Variants in SNUPN observed in about 807,000 individuals in gnomAD.
SNUPN encodes the protein snurportin 1.
Under a neutral mutation model 39.2 loss-of-function variants are expected in SNUPN, and 31 were observed. The ratio of observed to expected loss-of-function variants is 0.79; its 90% CI spans 0.59 to 1.07. The LOEUF is 1.07. Among genes scored for constraint, SNUPN ranks in the 50% least tolerant of loss-of-function variants. The pLI is 0.00. For synonymous variants in SNUPN, 132 were observed against 159.0 expected (o/e 0.83, Z 1.28); for missense variants, 382 against 434.2 (o/e 0.88, Z 1.07).
chr15:75,620,172 G>A (rs1364070127), intron 2 of SNUPN, among the ~76,000 whole-genome samples: 1 of 152,100 alleles, frequency 6.6e-6, no homozygotes, highest in African/African-American at 2.4e-5. Flanking sequence ...AGAGCCACAG[G>A]GAACCATCTC....
In SNUPN at chr15:75,617,455, T is replaced by C. The variant is rs749609987; in HGVS notation, c.256A>G (p.Met86Val). ...EEENKKDDEE[M>V]DIDTVKKLPK... The stretch of plus-strand genomic sequence containing the variant: ...AACTTCTTGACAGTGTCAATGTCCA[T>C]TTCTTCATCATCTTTCTTATTTTCT... The change falls in exon 3 of 9, where the codon ATG (methionine) becomes GTG (valine). Residue 86 changes from methionine (M) to valine (V), a missense_variant. Physicochemically the swap from Met to Val is conservative, Grantham distance 21 (BLOSUM62 1). Transcript: ENST00000308588. 1 of 1,614,190 alleles carries C rather than the reference T, an allele frequency of 6.2e-7. No homozygotes were observed. The highest frequency in any genetic ancestry group is 2.2e-5 in the East Asian group (1 of 44,884).
chr15:75,605,205 A>G lies in SNUPN; in HGVS notation c.623T>C (p.Met208Thr), dbSNP rs1364541105. ...TTCTTCTTCTGGTAACTTTGAATGC[A>G]TCCAGTAGAATCGGAAATCAGTCTG... ...DCQTDFRFYWMHSKLPEEEGL... is the reference protein window; with the variant it reads ...DCQTDFRFYWTHSKLPEEEGL... Residue 208 changes from methionine to threonine, a missense_variant, in exon 7 of 9, where the codon ATG becomes ACG. Transcript: ENST00000308588. The G allele has an allele frequency of 3.1e-6, 5 of 1,612,996 alleles. No homozygotes were observed. Among genetic ancestry groups the G allele is most frequent in the South Asian group, 2.2e-5 (2 of 90,980 alleles).
chr15:75,624,777 TTG>T (rs1376461058), intron 1 of SNUPN: 3 of 1,279,282 alleles, frequency 2.3e-6, no homozygotes, highest in East Asian at 5.6e-5. Flanking sequence ...TTTGTTGTTG[TTG>T]TTTTTTTTTT....
chr15:75,624,719 C>T, intron 1 of SNUPN: 4 of 1,270,620 alleles, frequency 3.1e-6, no homozygotes, highest in Middle Eastern at 2.2e-4. Flanking sequence ...CTTTACCTTC[C>T]TTCAAGGCTG....
chr15:75,608,469 C>T (rs1892686938), intron 5 of SNUPN, among the ~76,000 whole-genome samples: 1 of 152,146 alleles, frequency 6.6e-6, no homozygotes, highest in African/African-American at 2.4e-5. Flanking sequence ...AAAGCAAGCC[C>T]AGCTCTGCCA....
chr15:75,623,970 C>G (rs1340504364), intron 1 of SNUPN, among the ~76,000 whole-genome samples: 1 of 145,276 alleles, frequency 6.9e-6, no homozygotes, highest in Admixed American at 6.9e-5. Context: ...CTCTGTCGCC[C>G]AGGCTGGAGT....
chr15:75,622,737 A>G (rs925865319), intron 1 of SNUPN, among the ~76,000 whole-genome samples: 8 of 152,066 alleles, frequency 5.3e-5, no homozygotes, highest in African/African-American at 1.9e-4. Flanking sequence ...GAAAAATACA[A>G]CTCCATAGGC....
In SNUPN at chr15:75,609,646, A is replaced by G. The variant is rs1387340000; in HGVS notation, c.414T>C (p.Ser138=). The G allele has an allele frequency of 2.5e-6, 4 of 1,609,238 alleles. No homozygotes were observed. The highest frequency in any genetic ancestry group is 2.5e-6 in the Non-Finnish European group (3 of 1,177,316). ...AGCCACTCTTGGTGTAGGCACTGGT[A>G]GAACCCTGCATGGAGAGAAAGTTAC... The part of the protein sequence containing the change: ...KRALIVASRG[S]TSAYTKSGYC... The change falls in exon 5 of 9, where the codon TCT becomes TCC. Residue 138 remains serine, a synonymous_variant. Transcript: ENST00000308588.
At chr15:75,598,959 G>A (rs1410413835) in intron 8 of SNUPN, among the ~76,000 whole-genome samples, 1 of 152,210 alleles carries the variant, frequency 6.6e-6, no homozygotes, top group East Asian at 1.9e-4. Context: ...TTGAGCTCAG[G>A]AGTTTGAGAC....
intron 6 of SNUPN, among the ~76,000 whole-genome samples, chr15:75,606,018 G>A (rs1171920440): frequency 3.3e-5 from 5 of 152,144 alleles, no homozygotes; most frequent in African/African-American, 4.8e-5. Context: ...GGTGGCAAGC[G>A]CCTGTAATCC....
intron 8 of SNUPN, among the ~76,000 whole-genome samples, chr15:75,599,394 C>G (rs2075267453): frequency 1.3e-5 from 2 of 152,176 alleles, no homozygotes; most frequent in Admixed American, 1.3e-4. Context: ...GACTTTCCAC[C>G]ACTTAGGGGT....
chr15:75,609,683 G>C (rs1892729986), intron 4 of SNUPN, 32 bp from the exon 5 acceptor site: 1 of 1,515,420 alleles, frequency 6.6e-7, no homozygotes, highest in East Asian at 2.3e-5. Context: ...ATTCTTATTA[G>C]ACCTCAAGGT....
intron 5 of SNUPN, among the ~76,000 whole-genome samples, chr15:75,608,697 A>G (rs1035916517): frequency 6.6e-6 from 1 of 152,172 alleles, no homozygotes; most frequent in Admixed American, 6.5e-5. Flanking sequence ...CCCGTAATAG[A>G]AGTCCAAAGA....
chr15:75,617,684 T>C, intron 2 of SNUPN, 132 bp from the exon 3 acceptor site: 2 of 949,020 alleles, frequency 2.1e-6, no homozygotes, highest in South Asian at 3.6e-5. Context: ...TGGGCTCAAG[T>C]GATCTTCCCA....
At chr15:75,623,898 T>C (rs1291141062) in intron 1 of SNUPN, among the ~76,000 whole-genome samples, 1 of 151,796 alleles carries the variant, frequency 6.6e-6, no homozygotes, top group Non-Finnish European at 1.5e-5. Flanking sequence ...TGTACTTTTG[T>C]GTAAGTTTGA....
chr15:75,621,671 C>T (rs1893075458), intron 1 of SNUPN, among the ~76,000 whole-genome samples: 1 of 152,152 alleles, frequency 6.6e-6, no homozygotes, highest in Non-Finnish European at 1.5e-5. Flanking sequence ...TAAGTGCCAA[C>T]TCATATTATG....
At chr15:75,609,523 TTACTGA>T in intron 5 of SNUPN, 29 bp downstream of exon 5, 1 of 1,549,608 alleles carries the variant, frequency 6.5e-7, no homozygotes, top group African/African-American at 1.4e-5. Context: ...ACACTGTCTT[TTACTGA>T]TCAATAAGTA....
intron 7 of SNUPN, among the ~76,000 whole-genome samples, chr15:75,603,449 C>T (rs1485212216): frequency 1.3e-5 from 2 of 149,280 alleles, no homozygotes; most frequent in Non-Finnish European, 3.0e-5. Context: ...ATCACAAGGT[C>T]AGGAGATCGA....
intron 8 of SNUPN, among the ~76,000 whole-genome samples, chr15:75,599,805 G>A (rs550957469): frequency 8.1e-4 from 123 of 150,994 alleles, no homozygotes; most frequent in Non-Finnish European, 1.5e-3. Context: ...ATTACATCCA[G>A]TTCAAGCAAA....
Sources: allele counts gnomAD v4.1 joint callset (sites outside exome capture counted in the v4.1 genomes callset), GRCh38; gene constraint gnomAD v4.1.1; transcripts MANE v1.5; gene names NCBI Gene and HGNC (gene_info 2026-07-23, HGNC 2026-07-21).